Variants in KLHL4 observed in about 807,000 individuals in gnomAD.
The protein encoded by KLHL4 is kelch like family member 4.
KLHL4 carries 17 observed loss-of-function variants against 45.8 expected under a neutral mutation model. The observed-to-expected ratio is 0.37, with a 90% CI of 0.25 to 0.56. The LOEUF (loss-of-function observed/expected upper bound fraction) is 0.56. KLHL4 is among the 20% of genes least tolerant of loss of function. The pLI is 0.79. For missense variants in KLHL4, 544 were observed against 544.9 expected (o/e 1.00, Z 0.02); for synonymous variants, 224 against 189.9 (o/e 1.18, Z -1.47).
At chrX:87,589,428 G>GT (rs1456616882) in intron 1 of KLHL4, among the ~76,000 whole-genome samples, 5 of 112,122 alleles carry the variant, frequency 4.5e-5, no homozygotes, top group Non-Finnish European at 9.4e-5. Context: ...CAACAAATAA[G>GT]TGGCTAAAGA....
chrX:87,619,151 T>C (rs1461899642), intron 4 of KLHL4, among the ~76,000 whole-genome samples: 1 of 111,585 alleles, frequency 9.0e-6, no homozygotes, highest in African/African-American at 3.2e-5. Context: ...AAGAATGAAA[T>C]TGCTTCAGTT....
At chrX:87,633,127 G>A (rs1470850879) in intron 7 of KLHL4, among the ~76,000 whole-genome samples, 6 of 111,469 alleles carry the variant, frequency 5.4e-5, no homozygotes, top group Non-Finnish European at 9.4e-5. Context: ...TTAGCAAATA[G>A]GTAGGAGAGG....
chrX:87,636,170 C>T (rs374802015), intron 9 of KLHL4, among the ~76,000 whole-genome samples: 2 of 111,411 alleles, frequency 1.8e-5, no homozygotes, highest in Non-Finnish European at 3.8e-5. Context: ...TTAAATATTC[C>T]GTATACATTT....
At chrX:87,608,935 C>A (rs892348575) in intron 1 of KLHL4, among the ~76,000 whole-genome samples, 6 of 110,065 alleles carry the variant, frequency 5.5e-5, no homozygotes, top group Non-Finnish European at 9.5e-5. Context: ...ACAACAGGCC[C>A]CGGTGTGTGA....
At chrX:87,654,509 GTT>G (rs1368195737) in intron 9 of KLHL4, among the ~76,000 whole-genome samples, 2 of 99,669 alleles carry the variant, frequency 2.0e-5, no homozygotes, top group African/African-American at 3.6e-5. Context: ...GTGTGTGTGT[GTT>G]TGTGTGTGTA....
rs761626127 is a variant in KLHL4, at chrX:87,666,374, C to G, written c.2098-101C>G. ...ATCTTTAGACAAGGTGATGTTAGAC[C>G]AAATTAAGTAAGGACTTCTTCAACT... On this transcript the variant is annotated intron_variant, in intron 10 of 10. Coordinates refer to ENST00000373119, the MANE Select transcript of KLHL4 (RefSeq NM_019117.5). The G allele has an allele frequency of 3.7e-6, 3 of 811,038 alleles. No individual in the cohort carries two copies. The African/African-American group carries it at 6.4e-5, about 17-fold the overall frequency. The allele number at this position is 811,038 out of a possible 1,213,427, so 66.8% of individuals were successfully genotyped here. A position where few individuals can be genotyped will look rare whatever the true frequency, so the allele number is the denominator to read the frequency against.
At chrX:87,644,906 G>A (rs1035052942) in intron 9 of KLHL4, among the ~76,000 whole-genome samples, 2 of 111,622 alleles carry the variant, frequency 1.8e-5, no homozygotes, top group African/African-American at 6.5e-5. Context: ...AACTTGGGAT[G>A]GATTAAGGTC....
intron 1 of KLHL4, among the ~76,000 whole-genome samples, chrX:87,581,853 G>A (rs1413416794): frequency 8.9e-6 from 1 of 112,003 alleles, no homozygotes; most frequent in Non-Finnish European, 1.9e-5. Context: ...ACTGGGATAA[G>A]GCTGAGATGG....
At chrX:87,524,129 C>T (rs192421918) in intron 1 of KLHL4, among the ~76,000 whole-genome samples, 3 of 110,419 alleles carry the variant, frequency 2.7e-5, no homozygotes, top group East Asian at 5.7e-4. Context: ...TCCAAAGGGT[C>T]GAGTACGGTA....
intron 5 of KLHL4, among the ~76,000 whole-genome samples, chrX:87,622,630 T>C (rs986260120): frequency 9.0e-6 from 1 of 111,068 alleles, no homozygotes; most frequent in Non-Finnish European, 1.9e-5. Context: ...AAGCTACCGT[T>C]AAACCATAAA....
intron 1 of KLHL4, among the ~76,000 whole-genome samples, chrX:87,540,179 G>C (rs1432487229): frequency 9.0e-6 from 1 of 111,508 alleles, no homozygotes; most frequent in Non-Finnish European, 1.9e-5. Context: ...TAGTGATTGA[G>C]TGGTGAGTGA....
chrX:87,611,659 C>CATACTATACTATACT (rs201194879), intron 1 of KLHL4, among the ~76,000 whole-genome samples: 19,718 of 101,378 alleles, frequency 0.19, 1,600 homozygotes, highest in African/African-American at 0.21. Context: ...GGTTTAAGTA[C>CATACTATACTATACT]ATACTATACT....
At chrX:87,521,163 C>T (rs1195004044) in intron 1 of KLHL4, among the ~76,000 whole-genome samples, 1 of 111,551 alleles carries the variant, frequency 9.0e-6, no homozygotes, top group Non-Finnish European at 1.9e-5. Flanking sequence ...GCACAACCTA[C>T]CAACTGTACT....
chrX:87,664,544 T>G (rs1407000), intron 9 of KLHL4, among the ~76,000 whole-genome samples: 2 of 112,019 alleles, frequency 1.8e-5, no homozygotes, highest in South Asian at 3.7e-4. Context: ...GCATGGTATC[T>G]TGGAAAGGGA....
At chrX:87,625,874 G>C (rs1388359733) in intron 6 of KLHL4, 78 bp downstream of exon 6, 1 of 830,601 alleles carries the variant, frequency 1.2e-6, no homozygotes, top group Non-Finnish European at 1.7e-6. Flanking sequence ...TGATATTAAA[G>C]CCATGTTAAA....
chrX:87,544,035 G>A (rs543338504), intron 1 of KLHL4, among the ~76,000 whole-genome samples: 14 of 110,785 alleles, frequency 1.3e-4, no homozygotes, highest in African/African-American at 4.6e-4. Context: ...CCTGATTTCA[G>A]GACTTGACTC....
intron 1 of KLHL4, among the ~76,000 whole-genome samples, chrX:87,604,847 C>G (rs1922141193): frequency 9.0e-6 from 1 of 111,370 alleles, no homozygotes; most frequent in Non-Finnish European, 1.9e-5. Context: ...TTGCCCCTCC[C>G]AATGTCACAG....
chrX:87,633,806 A>C lies in KLHL4; in HGVS notation c.1607A>C (p.Tyr536Ser). Residue 536 changes from tyrosine (Y) to serine (S), a missense_variant, in exon 8 of 11, where the codon TAT becomes TCT. Physicochemically the swap from Tyr to Ser is moderately radical, Grantham distance 144 (BLOSUM62 -2). Coordinates refer to ENST00000373119, the MANE Select transcript of KLHL4 (RefSeq NM_019117.5). The stretch of plus-strand genomic sequence containing the variant: ...GTAGGTGGTCATGATGGATGGAGCT[A>C]TCTAAATACTGTAGAAAGATGGGAC... ...YAVGGHDGWS[Y>S]LNTVERWDPE... is the part of the protein sequence containing the mutation. The C allele has an allele frequency of 2.5e-6, 3 of 1,208,196 alleles. No individual in the cohort carries two copies. Among genetic ancestry groups the C allele is most frequent in the Non-Finnish European group, 3.4e-6 (3 of 892,580 alleles).
At chrX:87,624,656 C>T (rs1696515593) in intron 5 of KLHL4, among the ~76,000 whole-genome samples, 1 of 111,586 alleles carries the variant, frequency 9.0e-6, no homozygotes, top group South Asian at 3.7e-4. Flanking sequence ...CCCAAAACTC[C>T]AAGGGAACCA....
Sources: allele counts gnomAD v4.1 joint callset (sites outside exome capture counted in the v4.1 genomes callset), GRCh38; gene constraint gnomAD v4.1.1; transcripts MANE v1.5; gene names NCBI Gene and HGNC (gene_info 2026-07-23, HGNC 2026-07-21).